The following LPCAT4 variants were observed in gnomAD, a reference collection of about 807,000 sequenced individuals.
LPCAT4 encodes lysophospholipid acyltransferase LPCAT4.
A neutral mutation model predicts 66.5 loss-of-function variants in LPCAT4; 30 were observed. The ratio of observed to expected loss-of-function variants is 0.45; its 90% CI spans 0.34 to 0.61. The LOEUF is 0.61. LPCAT4 is among the 20% of genes least tolerant of loss of function. The pLI is 0.01. For missense variants in LPCAT4, 557 were observed against 656.7 expected (o/e 0.85, Z 1.66); for synonymous variants, 253 against 262.1 (o/e 0.97, Z 0.34).
chr15:34,361,655 A>C, intron 10 of LPCAT4, 123 bp from the exon 11 acceptor site: 2 of 1,148,526 alleles, frequency 1.7e-6, no homozygotes, highest in South Asian at 2.9e-5. Flanking sequence ...TTTTTCTAAG[A>C]TGTACTGACT....
Position 34,363,615 on chromosome 15 carries a change from T to C in LPCAT4, c.711+46A>G. 6.2e-7 allele frequency: 1 copy of C among 1,608,860 alleles called. No homozygotes were observed. The highest frequency in any genetic ancestry group is 1.7e-4 in the Middle Eastern group (1 of 6,058). On this transcript the variant is annotated intron_variant, in intron 6 of 13. Coordinates refer to ENST00000314891, the MANE Select transcript of LPCAT4 (RefSeq NM_153613.3). This position sits in a 1 kb window ranked among gnomAD's most constrained non-coding sequence, Gnocchi z 4.3. ...AGTTTTCACTTATTTCCATTTGGGG[T>C]GGATTTGTGCTCCCCCTTTCCACTC...
At chr15:34,362,393 T>C in intron 9 of LPCAT4, 72 bp from the exon 10 acceptor site, 1 of 1,587,698 alleles carries the variant, frequency 6.3e-7, no homozygotes, top group Non-Finnish European at 8.6e-7. Flanking sequence ...TTCCTGACCC[T>C]GGCCCGCTGA....
intron 10 of LPCAT4, 143 bp downstream of exon 10, chr15:34,362,053 T>G: frequency 8.8e-7 from 1 of 1,136,240 alleles, no homozygotes; most frequent in Non-Finnish European, 1.2e-6. Flanking sequence ...ATTCCCCACT[T>G]CCTTTTATTT....
At chr15:34,366,698 C>T (rs1209983965) in intron 1 of LPCAT4, among the ~76,000 whole-genome samples, 2 of 150,610 alleles carry the variant, frequency 1.3e-5, no homozygotes, top group African/African-American at 4.9e-5. Flanking sequence ...ATCCGCATTC[C>T]CCAGCGTCCT....
rs1261374927 is a variant in LPCAT4, at chr15:34,363,777, T to C, written c.653-58A>G. The C allele has an allele frequency of 9.4e-6, 15 of 1,588,416 alleles. No individual in the cohort carries two copies. Among genetic ancestry groups the C allele is most frequent in the Non-Finnish European group, 1.3e-5 (15 of 1,156,752 alleles). ...GCAGAGGTTAGTACACAGAAGTAGCTAGAGGGCATGAGGTATGGCAGTCTG... is the reference window on the plus strand; with the variant it reads ...GCAGAGGTTAGTACACAGAAGTAGCCAGAGGGCATGAGGTATGGCAGTCTG... On this transcript the variant is annotated intron_variant, in intron 5 of 13. Transcript: ENST00000314891. This position sits in a 1 kb window ranked among gnomAD's most constrained non-coding sequence, Gnocchi z 4.3.
Position 34,367,020 on chromosome 15 carries a change from A to T in LPCAT4, c.81T>A (p.His27Gln). 1.4e-6 allele frequency: 2 copies of T among 1,447,066 alleles called. No individual in the cohort carries two copies. Among genetic ancestry groups the T allele is most frequent in the Non-Finnish European group, 9.4e-7 (1 of 1,064,242 alleles). The allele number at this position is 1,447,066 out of a possible 1,614,324, so 89.6% of individuals were successfully genotyped here. A position where few individuals can be genotyped will look rare whatever the true frequency, so the allele number is the denominator to read the frequency against. Reference protein sequence around the residue: ...GPPASPNPFVHELHLSRLQRV... With the variant: ...GPPASPNPFVQELHLSRLQRV... Reference sequence around the variant, plus strand: ...TCTGGAGGCGAGAGAGATGTAACTCATGCACGAAGGGGTTGGGGGATGCTG... The same window carrying T: ...TCTGGAGGCGAGAGAGATGTAACTCTTGCACGAAGGGGTTGGGGGATGCTG... Residue 27 changes from histidine to glutamine, a missense_variant, in exon 1 of 14, where the codon CAT (histidine) becomes CAA (glutamine). Around this residue, in one of 4 missense-constraint regions of LPCAT4, gnomAD observed 94 missense variants for 71.5 expected, o/e 1.32. Coordinates refer to ENST00000314891, the MANE Select transcript of LPCAT4 (RefSeq NM_153613.3).
rs1298271126 is a variant in LPCAT4 at position 34,367,084 on chromosome 15, G to T, written c.17C>A (p.Pro6Gln). 1 of 1,550,610 alleles carries T rather than the reference G, an allele frequency of 6.4e-7. No homozygotes were observed. The change falls in exon 1 of 14, where the codon CCG (proline) becomes CAG (glutamine). Residue 6 changes from proline (P) to glutamine (Q), a missense_variant. By Grantham distance (76) the Pro-to-Gln change is moderately conservative. Transcript: ENST00000314891. ...GGGATCTAGGGGGGCCCAGTCCCCC[G>T]GACTTCCCTGGCTCATGGCGGGAGA... The part of the protein sequence containing the change: MSQGS[P>Q]GDWAPLDPTP...
Position 34,365,174 on chromosome 15 carries a change from C to T in LPCAT4, c.312G>A (p.Leu104=). ...CACGAACGCGAATCCGGAGGAAGCC[C>T]AGCAGGAAAAACAGCAGGCGGCTCA... ...LGLSRLLFFL[L]GFLRIRVRGQ... Residue 104 remains leucine, a synonymous_variant, in exon 3 of 14, where the codon CTG becomes CTA. Transcript: ENST00000314891. 6.2e-7 allele frequency: 1 copy of T among 1,614,078 alleles called. No homozygotes were observed. Among genetic ancestry groups the T allele is most frequent in the Non-Finnish European group, 8.5e-7 (1 of 1,179,976 alleles).
At chr15:34,360,051 C>G (rs983338302) in intron 12 of LPCAT4, 60 bp downstream of exon 12, 11 of 1,386,760 alleles carry the variant, frequency 7.9e-6, no homozygotes, top group African/African-American at 1.4e-5. Flanking sequence ...CAAAATAGGC[C>G]TCCTGGAGCG....
intron 1 of LPCAT4, 191 bp downstream of exon 1, chr15:34,366,796 C>G: frequency 1.4e-6 from 1 of 695,164 alleles, no homozygotes; most frequent in East Asian, 3.1e-5. Flanking sequence ...ATCGCCCAAG[C>G]CCGCAGCGTC....
rs369192033 is a variant in LPCAT4, at chr15:34,361,511, G to A, written c.1032C>T (p.Asp344=). 64 of 1,613,900 alleles carry A rather than the reference G, an allele frequency of 4.0e-5. No homozygotes were observed. The highest frequency in any genetic ancestry group is 3.3e-4 in the African/African-American group (25 of 75,030). ...RKAGLSAGYV[D]AGAEPGRSRM... is the part of the protein sequence containing the mutation. ...GACTCCGGCCTGGCTCTGCCCCAGCGTCCACATAGCCAGCGGACAGCCTAC... is the reference window on the plus strand; with the variant it reads ...GACTCCGGCCTGGCTCTGCCCCAGCATCCACATAGCCAGCGGACAGCCTAC... Residue 344 remains aspartate (D), a synonymous_variant, in exon 11 of 14, where the codon GAC becomes GAT. Transcript: ENST00000314891.
chr15:34,361,285 T>G, intron 11 of LPCAT4, 115 bp downstream of exon 11: 2 of 1,529,144 alleles, frequency 1.3e-6, no homozygotes, highest in Non-Finnish European at 1.8e-6. Context: ...TAACAACAGC[T>G]GTGAGAACAT....
rs184948290 is a variant in LPCAT4, at chr15:34,365,400, T to C, written c.257+159A>G. On this transcript the variant is annotated intron_variant, in intron 2 of 13. Coordinates refer to ENST00000314891, the MANE Select transcript of LPCAT4 (RefSeq NM_153613.3). ...CCTATCAGGGCACATTACTTAGAGG[T>C]GAGGTCTGGGAACCACGTCTGAGCT... The C allele has an allele frequency of 1.2e-5, 14 of 1,182,976 alleles. No individual in the cohort carries two copies. In the Admixed American group the frequency reaches 3.3e-4, roughly 28 times the overall value. The allele number at this position is 1,182,976 out of a possible 1,614,324, so 73.3% of individuals were successfully genotyped here.
intron 12 of LPCAT4, 23 bp downstream of exon 12, chr15:34,360,088 C>A (rs200859269): frequency 9.7e-6 from 15 of 1,549,694 alleles, no homozygotes; most frequent in Non-Finnish European, 1.3e-5. Flanking sequence ...TAAGCACCCC[C>A]CACCACCGCC....
chr15:34,366,620 C>G (rs1245034635), intron 1 of LPCAT4, among the ~76,000 whole-genome samples: 1 of 148,624 alleles, frequency 6.7e-6, no homozygotes, highest in Non-Finnish European at 1.5e-5. Flanking sequence ...ACGCCCCCGC[C>G]CCCGCCCCCA....
At chr15:34,365,943 C>A in intron 1 of LPCAT4, 1 of 476,540 alleles carries the variant, frequency 2.1e-6, no homozygotes, top group Non-Finnish European at 3.8e-6. Context: ...GGTCCCTACC[C>A]CATTTATAAA....
chr15:34,364,590 A>ATTTTTTTTTTTT (rs59218958), intron 3 of LPCAT4: 10 of 155,980 alleles, frequency 6.4e-5, no homozygotes, highest in South Asian at 1.5e-4. Flanking sequence ...CGCCCGGCTA[A>ATTTTTTTTTTTT]TTTTTTTTTT....
Position 34,364,992 on chromosome 15 carries a change from C to T in LPCAT4, c.478+16G>A, listed in dbSNP as rs1891041856. ...GAGTTGTCACCCTGCCCTTCACCCC[C>T]TTTGAACTCTCTCACCTCCAATGAC... On this transcript the variant is annotated intron_variant, in intron 3 of 13. Coordinates refer to ENST00000314891, the MANE Select transcript of LPCAT4 (RefSeq NM_153613.3). The T allele has an allele frequency of 6.3e-7, 1 of 1,597,848 alleles. No homozygotes were observed.
At chr15:34,359,885 C>G (rs1454548302) in intron 12 of LPCAT4, 140 bp from the exon 13 acceptor site, 5 of 909,516 alleles carry the variant, frequency 5.5e-6, no homozygotes, top group Non-Finnish European at 8.2e-6. Context: ...GCCCTTTCTG[C>G]AGAACTGTAG....
Sources: gnomAD v4.1 joint callset for allele counts (sites outside exome capture counted in the v4.1 genomes callset) on GRCh38, gnomAD v4.1.1 for gene constraint, gnomAD v4.1.1 regional missense constraint, Gnocchi (gnomAD v3.1) non-coding constraint, MANE v1.5 for transcripts, NCBI Gene and HGNC (gene_info 2026-07-23, HGNC 2026-07-21) for gene names.